Variants in AACS observed in about 807,000 individuals in gnomAD.
AACS encodes acetoacetyl-CoA synthetase.
Under a neutral mutation model 83.1 loss-of-function variants are expected in AACS, and 69 were observed. The observed-to-expected ratio is 0.83, with a 90% CI of 0.68 to 1.01. The LOEUF is 1.01. Among genes scored for constraint, AACS ranks in the 50% least tolerant of loss-of-function variants. AACS has a pLI of 0.00. For missense variants in AACS, 866 were observed against 882.2 expected (o/e 0.98, Z 0.23); for synonymous variants, 333 against 343.4 (o/e 0.97, Z 0.33).
At chr12:125,078,615 G>C (rs1956087948) in intron 3 of AACS, among the ~76,000 whole-genome samples, 1 of 152,206 alleles carries the variant, frequency 6.6e-6, no homozygotes, top group Non-Finnish European at 1.5e-5. Context: ...GAAGTCAGGA[G>C]TTCGAGACCA....
chr12:125,083,179 T>C (rs1956242245), intron 3 of AACS, among the ~76,000 whole-genome samples: 1 of 152,232 alleles, frequency 6.6e-6, no homozygotes, highest in South Asian at 2.1e-4. Context: ...TGACTGAGGC[T>C]AGAGGAACCA....
intron 9 of AACS, among the ~76,000 whole-genome samples, chr12:125,114,852 G>T (rs1323730456): frequency 2.0e-5 from 3 of 149,460 alleles, no homozygotes; most frequent in Admixed American, 6.6e-5. Flanking sequence ...GTGGCACATG[G>T]TAAGGGCTTC....
chr12:125,091,362 T>C, intron 4 of AACS, 64 bp from the exon 5 acceptor site: 1 of 1,543,514 alleles, frequency 6.5e-7, no homozygotes, highest in Non-Finnish European at 8.9e-7. Context: ...AGAGAAACCT[T>C]TTGGACATCT....
intron 8 of AACS, among the ~76,000 whole-genome samples, chr12:125,109,435 C>T (rs78012943): frequency 0.012 from 1,899 of 152,298 alleles, 43 homozygotes; most frequent in African/African-American, 0.043. Flanking sequence ...ATTTTTAACA[C>T]GTCCTAAAAG....
At chr12:125,084,348 A>ATG (rs1956277029) in intron 3 of AACS, among the ~76,000 whole-genome samples, 1 of 151,122 alleles carries the variant, frequency 6.6e-6, no homozygotes, top group South Asian at 2.1e-4. Context: ...TCTATATTTC[A>ATG]TGTAACATTT....
intron 3 of AACS, among the ~76,000 whole-genome samples, chr12:125,080,915 T>C (rs1565926181): frequency 1.3e-5 from 2 of 151,984 alleles, no homozygotes; most frequent in Non-Finnish European, 2.9e-5. Flanking sequence ...ATGGTCTCCA[T>C]CTCCTGACCT....
intron 1 of AACS, among the ~76,000 whole-genome samples, chr12:125,071,653 T>C (rs768088558): frequency 6.6e-6 from 1 of 150,872 alleles, no homozygotes; most frequent in Non-Finnish European, 1.5e-5. Flanking sequence ...AGCAGAAGAG[T>C]GTGTCTGAAG....
chr12:125,112,495 A>G (rs2136107719), intron 8 of AACS, among the ~76,000 whole-genome samples: 1 of 152,188 alleles, frequency 6.6e-6, no homozygotes, highest in Admixed American at 6.5e-5. Flanking sequence ...CCTGGCCAAC[A>G]TGGTGAAACC....
At chr12:125,096,570 G>C (rs959771999) in intron 5 of AACS, among the ~76,000 whole-genome samples, 10 of 152,164 alleles carry the variant, frequency 6.6e-5, no homozygotes, top group African/African-American at 2.4e-4. Context: ...AGGGAGCCAG[G>C]TGCAGGGATA....
chr12:125,069,743 G>A (rs748708454), intron 1 of AACS, among the ~76,000 whole-genome samples: 21 of 152,202 alleles, frequency 1.4e-4, no homozygotes, highest in South Asian at 6.2e-4. Flanking sequence ...GCTGCACGTC[G>A]GCTCTCTGTG....
In AACS at chr12:125,113,424, G is replaced by A. The variant is rs865872244; in HGVS notation, c.916-1053G>A. Among the ~76,000 whole-genome samples, 1 of 152,190 alleles carries A rather than the reference G, an allele frequency of 6.6e-6. No individual in the cohort carries two copies. The highest frequency in any genetic ancestry group is 1.5e-5 in the Non-Finnish European group (1 of 68,026). On this transcript the variant is annotated intron_variant, in intron 8 of 17. Coordinates refer to ENST00000316519, the MANE Select transcript of AACS (RefSeq NM_023928.5). This position sits in a 1 kb window ranked among gnomAD's most constrained non-coding sequence, Gnocchi z 4.8. ...GTCCTCAGGATCTTGTACGAGATCC[G>A]TTGGAAAGACAGGAAAACCGAGGCT...
At chr12:125,093,495 G>T (rs1956535372) in intron 5 of AACS, among the ~76,000 whole-genome samples, 1 of 152,254 alleles carries the variant, frequency 6.6e-6, no homozygotes, top group South Asian at 2.1e-4. Flanking sequence ...ACTCAGGAGG[G>T]ATGCATGGCT....
rs1956564062 is a variant in AACS, at chr12:125,094,680, T to C, written c.570+3157T>C. ...TCTCCCACCACTGCCCACCTCCTTC[T>C]GCCTGCTCTCTGCTGGCTGCCTGGG... On this transcript the variant is annotated intron_variant, in intron 5 of 17. Transcript: ENST00000316519. This position sits in a 1 kb window ranked among gnomAD's most constrained non-coding sequence, Gnocchi z 4.1. 6.6e-6 allele frequency among the ~76,000 whole-genome samples: 1 copy of C among 152,212 alleles called. No individual in the cohort carries two copies. Among genetic ancestry groups the C allele is most frequent in the African/African-American group, 2.4e-5 (1 of 41,448 alleles).
intron 2 of AACS, among the ~76,000 whole-genome samples, chr12:125,074,874 G>T (rs1955979066): frequency 6.6e-6 from 1 of 151,582 alleles, no homozygotes; most frequent in African/African-American, 2.4e-5. Flanking sequence ...ATGTTGCCCA[G>T]GCTGGCCTCA....
intron 9 of AACS, among the ~76,000 whole-genome samples, chr12:125,115,171 T>C (rs907619968): frequency 3.3e-5 from 5 of 152,042 alleles, no homozygotes; most frequent in African/African-American, 1.2e-4. Context: ...TTAAAGGAAG[T>C]GTATTTTACC....
intron 17 of AACS, 51 bp downstream of exon 17, chr12:125,136,915 C>A: frequency 6.3e-7 from 1 of 1,583,902 alleles, no homozygotes; most frequent in South Asian, 1.1e-5. Context: ...CCCCACGAGC[C>A]CACACATTGA....
intron 2 of AACS, among the ~76,000 whole-genome samples, chr12:125,074,367 C>T (rs1050949609): frequency 6.6e-6 from 1 of 151,966 alleles, no homozygotes; most frequent in African/African-American, 2.4e-5. Flanking sequence ...GGCTAGGCAA[C>T]ATAGCAAGAC....
chr12:125,076,543 G>A lies in AACS; in HGVS notation c.290G>A (p.Ser97Asn). 1 of 1,614,190 alleles carries A rather than the reference G, an allele frequency of 6.2e-7. No individual in the cohort carries two copies. Among genetic ancestry groups the A allele is most frequent in the Non-Finnish European group, 8.5e-7 (1 of 1,180,028 alleles). The stretch of plus-strand genomic sequence containing the variant: ...GATGTCCCCGAGTGGTTCAAAGGCA[G>A]TCGGCTCAACTATGCAGAAAACCTC... ...IADVPEWFKG[S>N]RLNYAENLLR... The change falls in exon 3 of 18, where the codon AGT (serine) becomes AAT (asparagine). Residue 97 changes from serine (S) to asparagine (N), a missense_variant. Ser to Asn is a conservative substitution (Grantham distance 46). Transcript: ENST00000316519.
intron 12 of AACS, among the ~76,000 whole-genome samples, chr12:125,125,436 G>A (rs1051771157): frequency 1.2e-4 from 18 of 152,164 alleles, no homozygotes; most frequent in African/African-American, 4.3e-4. Context: ...GCCCCACCCT[G>A]CCCTGGGCTC....
Sources: gnomAD v4.1 joint callset for allele counts (sites outside exome capture counted in the v4.1 genomes callset) on GRCh38, gnomAD v4.1.1 for gene constraint, Gnocchi (gnomAD v3.1) non-coding constraint, MANE v1.5 for transcripts, NCBI Gene and HGNC (gene_info 2026-07-23, HGNC 2026-07-21) for gene names.